Variants in ATXN1 observed in about 807,000 individuals in gnomAD.
ATXN1 encodes the protein ataxin-1.
In ATXN1, 8 loss-of-function variants were observed where a neutral mutation model predicts 56.4. The ratio of observed to expected loss-of-function variants is 0.14; its 90% CI spans 0.08 to 0.26. The LOEUF is 0.26. ATXN1 is among the 10% of genes least tolerant of loss of function. The pLI is 1.00. For synonymous variants in ATXN1, 514 were observed against 494.6 expected (o/e 1.04, Z -0.52); for missense variants, 987 against 1,106.5 (o/e 0.89, Z 1.53).
intron 4 of ATXN1, among the ~76,000 whole-genome samples, chr6:16,585,523 A>G (rs933201382): frequency 3.9e-5 from 6 of 152,230 alleles, no homozygotes; most frequent in African/African-American, 1.4e-4. Flanking sequence ...TGCCTTCAGA[A>G]TTATCAGCAA....
intron 2 of ATXN1, among the ~76,000 whole-genome samples, chr6:16,702,418 G>C (rs994491072): frequency 1.3e-5 from 2 of 152,130 alleles, no homozygotes; most frequent in Non-Finnish European, 2.9e-5. Flanking sequence ...TCAGGACATA[G>C]GCATGGGCAA....
At chr6:16,466,656 C>T (rs910480276) in intron 6 of ATXN1, among the ~76,000 whole-genome samples, 1 of 152,098 alleles carries the variant, frequency 6.6e-6, no homozygotes, top group Admixed American at 6.5e-5. Flanking sequence ...AAAAGTAGAT[C>T]AAGCACGATT....
At chr6:16,536,877 C>A (rs530583688) in intron 4 of ATXN1, among the ~76,000 whole-genome samples, 1 of 152,156 alleles carries the variant, frequency 6.6e-6, no homozygotes, top group Non-Finnish European at 1.5e-5. Context: ...GATTTCAGCA[C>A]TGGTACTTAT....
At chr6:16,597,565 A>C (rs928151573) in intron 3 of ATXN1, among the ~76,000 whole-genome samples, 1 of 150,890 alleles carries the variant, frequency 6.6e-6, no homozygotes, top group Admixed American at 6.6e-5. Context: ...CTGCCTCCCC[A>C]GTAGCTGGGC....
At chr6:16,701,001 C>A (rs1759271781) in intron 2 of ATXN1, among the ~76,000 whole-genome samples, 1 of 150,774 alleles carries the variant, frequency 6.6e-6, no homozygotes, top group African/African-American at 2.4e-5. Context: ...AAACAAAAAG[C>A]AGCGACCTCC....
At chr6:16,544,327 C>A (rs79555374) in intron 4 of ATXN1, among the ~76,000 whole-genome samples, 2 of 152,216 alleles carry the variant, frequency 1.3e-5, no homozygotes, top group African/African-American at 4.8e-5. Context: ...GGATCACACA[C>A]AAGTTGGGGC....
At position 16,489,096 on chromosome 6, in the gene ATXN1, T is replaced by C. The variant is rs146716937; in HGVS notation, c.-298-2987A>G. On this transcript the variant is annotated intron_variant, in intron 5 of 7. Transcript: ENST00000436367. ...CAAGGTCCTTTTCAGTTCAGCACTT[T>C]GTTATACTGTCTTTTTATACTCCAC... is the stretch of plus-strand genomic sequence containing the variant. Among the ~76,000 whole-genome samples, 898 of 152,320 alleles carry C rather than the reference T, an allele frequency of 5.9e-3. 3 individuals are homozygous for C. Among genetic ancestry groups the C allele is most frequent in the Middle Eastern group, 0.014 (4 of 294 alleles).
In ATXN1 at chr6:16,592,152, G is replaced by A. The variant is rs560304265; in HGVS notation, c.-488-6245C>T. ...TCTGCTCAGCTGTTTCAGAATAAGC[G>A]ACGACTCCCGGGAGAGCTCTGCCCC... On this transcript the variant is annotated intron_variant, in intron 3 of 7. Transcript: ENST00000436367. Among the ~76,000 whole-genome samples the A allele has an allele frequency of 2.0e-5, 3 of 152,174 alleles. No individual in the cohort carries two copies. The South Asian group carries it at 6.2e-4, about 32-fold the overall frequency.
chr6:16,363,004 G>A (rs1240371737), intron 6 of ATXN1, among the ~76,000 whole-genome samples: 1 of 152,148 alleles, frequency 6.6e-6, no homozygotes, highest in Non-Finnish European at 1.5e-5. Context: ...AATATACAGC[G>A]ATATAATCTA....
chr6:16,669,800 A>C (rs1444682229), intron 2 of ATXN1, among the ~76,000 whole-genome samples: 2 of 151,870 alleles, frequency 1.3e-5, no homozygotes, highest in African/African-American at 2.4e-5. Context: ...TTTAAGCCCC[A>C]AATGCATTAG....
chr6:16,429,576 C>A (rs1345114910), intron 6 of ATXN1, among the ~76,000 whole-genome samples: 1 of 151,944 alleles, frequency 6.6e-6, no homozygotes, highest in East Asian at 1.9e-4. Context: ...CACCACCACG[C>A]CTGGCTAATT....
intron 3 of ATXN1, among the ~76,000 whole-genome samples, chr6:16,642,857 ATT>A (rs1763729955): frequency 6.6e-6 from 1 of 152,260 alleles, no homozygotes; most frequent in African/African-American, 2.4e-5. Flanking sequence ...TTATTGGATA[ATT>A]AATAGACTAT....
chr6:16,677,609 A>T (rs1163912767), intron 2 of ATXN1, among the ~76,000 whole-genome samples: 2 of 152,096 alleles, frequency 1.3e-5, no homozygotes, highest in African/African-American at 4.8e-5. Flanking sequence ...ATCTTGCTTC[A>T]TTCACACCAG....
intron 3 of ATXN1, among the ~76,000 whole-genome samples, chr6:16,613,250 C>A (rs1289997681): frequency 8.6e-6 from 1 of 115,656 alleles, no homozygotes. Flanking sequence ...CCGGCCTGGG[C>A]GACAGAGCGA....
intron 2 of ATXN1, among the ~76,000 whole-genome samples, chr6:16,690,533 A>G (rs552237009): frequency 6.6e-6 from 1 of 152,282 alleles, no homozygotes; most frequent in East Asian, 1.9e-4. Flanking sequence ...AGAAGTCCCA[A>G]CACATTGATG....
intron 6 of ATXN1, among the ~76,000 whole-genome samples, chr6:16,332,127 C>G (rs1761006289): frequency 6.6e-6 from 1 of 152,222 alleles, no homozygotes; most frequent in Non-Finnish European, 1.5e-5. Context: ...TTCCACCCAT[C>G]CTCCTCCTAC....
intron 2 of ATXN1, among the ~76,000 whole-genome samples, chr6:16,723,559 C>T (rs937633361): frequency 6.6e-6 from 1 of 152,134 alleles, no homozygotes; most frequent in African/African-American, 2.4e-5. Flanking sequence ...TAGCGCATTT[C>T]CCCTCGTAGG....
intron 5 of ATXN1, among the ~76,000 whole-genome samples, chr6:16,487,800 T>C (rs1315979639): frequency 6.6e-6 from 1 of 152,160 alleles, no homozygotes; most frequent in African/African-American, 2.4e-5. Context: ...ATGATGGGGG[T>C]ACCTCACTTA....
At chr6:16,507,843 T>C (rs1051743082) in intron 5 of ATXN1, among the ~76,000 whole-genome samples, 1 of 152,202 alleles carries the variant, frequency 6.6e-6, no homozygotes, top group African/African-American at 2.4e-5. Context: ...ACTTTCCTAG[T>C]TGCAAGCACT....
Sources: gnomAD v4.1 joint callset for allele counts (sites outside exome capture counted in the v4.1 genomes callset) on GRCh38, gnomAD v4.1.1 for gene constraint, MANE v1.5 for transcripts, NCBI Gene and HGNC (gene_info 2026-07-23, HGNC 2026-07-21) for gene names.